DLG2: variants seen among roughly 807,000 people sequenced by gnomAD.
The protein encoded by DLG2 is discs large MAGUK scaffold protein 2, also known as disks large homolog 2.
A neutral mutation model predicts 132.5 loss-of-function variants in DLG2; 45 were observed. That is an observed-to-expected ratio of 0.34 (90% CI 0.27 to 0.44). The LOEUF (loss-of-function observed/expected upper bound fraction) is 0.44, where lower values mean the gene tolerates loss of function less well. Among genes scored for constraint, DLG2 ranks in the 20% least tolerant of loss-of-function variants. The pLI is 1.00. For missense variants in DLG2, 1,045 were observed against 1,196.9 expected (o/e 0.87, Z 1.87); for synonymous variants, 424 against 419.6 (o/e 1.01, Z -0.13).
rs192564153 is a variant in DLG2 at position 84,362,170 on chromosome 11, C to G, written c.520-110879G>C. 1.1e-4 allele frequency among the ~76,000 whole-genome samples: 17 copies of G among 152,054 alleles called. No individual in the cohort carries two copies. In the East Asian group the frequency reaches 3.1e-3, roughly 28 times the overall value. Reference sequence around the variant, plus strand: ...TAAAGATACAGTATAAACACCACAACAGTTGAAATTCTTCAAGGATATAGG... The same window carrying G: ...TAAAGATACAGTATAAACACCACAAGAGTTGAAATTCTTCAAGGATATAGG... On this transcript the variant is annotated intron_variant, in intron 7 of 27. Coordinates refer to ENST00000376104, the MANE Select transcript of DLG2 (RefSeq NM_001142699.3).
Position 83,561,485 on chromosome 11 carries a change from T to C in DLG2, c.1941-19627A>G, listed in dbSNP as rs536955459. On this transcript the variant is annotated intron_variant, in intron 19 of 27. Transcript: ENST00000376104. ...GTAAGGAGACTGCAAGTAAAGAGTC[T>C]CTGTAAGTTCTGCAAGTGAAGAGTA... Among the ~76,000 whole-genome samples, 3 of 152,340 alleles carry C rather than the reference T, an allele frequency of 2.0e-5. No homozygotes were observed. In the South Asian group the frequency reaches 6.2e-4, roughly 32 times the overall value.
chr11:83,508,403 ATT>A (rs746968613), intron 21 of DLG2, among the ~76,000 whole-genome samples: 1,011 of 80,190 alleles, frequency 0.013, 37 homozygotes, highest in African/African-American at 0.058. Flanking sequence ...CGCCTGGCTA[ATT>A]TTTTTTTTTT....
At chr11:85,467,072 A>G (rs1359591291) in intron 3 of DLG2, among the ~76,000 whole-genome samples, 1 of 152,198 alleles carries the variant, frequency 6.6e-6, no homozygotes, top group Non-Finnish European at 1.5e-5. Context: ...CTTTGAAGCA[A>G]CTGTGAATGG....
intron 18 of DLG2, 92 bp from the exon 19 acceptor site, chr11:83,633,417 T>G: frequency 1.0e-6 from 1 of 988,520 alleles, no homozygotes; most frequent in Non-Finnish European, 1.6e-6. Flanking sequence ...CCCACGTTGT[T>G]GGTTCCTTTG....
chr11:83,668,295 A>G (rs1566428066), intron 18 of DLG2, among the ~76,000 whole-genome samples: 1 of 152,162 alleles, frequency 6.6e-6, no homozygotes, highest in East Asian at 1.9e-4. Context: ...TCTATTTTCA[A>G]TTCTTCCTCT....
chr11:84,962,194 T>C (rs1456579101), intron 6 of DLG2, among the ~76,000 whole-genome samples: 1 of 152,238 alleles, frequency 6.6e-6, no homozygotes, highest in Admixed American at 6.5e-5. Flanking sequence ...TATTATTGTC[T>C]TGATCTCATA....
chr11:85,230,768 A>G (rs978526596), intron 4 of DLG2, among the ~76,000 whole-genome samples: 3 of 151,940 alleles, frequency 2.0e-5, no homozygotes, highest in Non-Finnish European at 2.9e-5. Context: ...TTAATCCCCA[A>G]TGCAATAGTA....
chr11:84,731,907 G>A (rs2063203315), intron 6 of DLG2, among the ~76,000 whole-genome samples: 1 of 151,720 alleles, frequency 6.6e-6, no homozygotes, highest in Non-Finnish European at 1.5e-5. Flanking sequence ...ACGTTTCCAC[G>A]TGCCCCTTTA....
chr11:84,304,142 C>T (rs564114928), intron 7 of DLG2, among the ~76,000 whole-genome samples: 1 of 152,282 alleles, frequency 6.6e-6, no homozygotes, highest in African/African-American at 2.4e-5. Context: ...CATAGTTCCT[C>T]TTCTCTACAG....
intron 3 of DLG2, among the ~76,000 whole-genome samples, chr11:85,548,593 G>A (rs748449490): frequency 9.2e-5 from 14 of 152,144 alleles, no homozygotes; most frequent in Admixed American, 3.9e-4. Context: ...GTCCCCAACC[G>A]CCCCTTCCCC....
chr11:83,752,783 G>A (rs966674396), intron 18 of DLG2, among the ~76,000 whole-genome samples: 1 of 152,178 alleles, frequency 6.6e-6, no homozygotes, highest in East Asian at 1.9e-4. Flanking sequence ...CTGAATTAAT[G>A]TCACCTGGAA....
intron 3 of DLG2, among the ~76,000 whole-genome samples, chr11:85,527,269 G>C (rs1208895695): frequency 3.3e-5 from 5 of 151,040 alleles, no homozygotes; most frequent in African/African-American, 9.7e-5. Flanking sequence ...ATAGTGGTTT[G>C]CTGCACCTAT....
At chr11:84,908,851 A>G (rs971633555) in intron 6 of DLG2, among the ~76,000 whole-genome samples, 3 of 151,098 alleles carry the variant, frequency 2.0e-5, no homozygotes, top group Non-Finnish European at 4.4e-5. Context: ...CTTTCAACAT[A>G]TAAGTTTTTC....
intron 8 of DLG2, among the ~76,000 whole-genome samples, chr11:84,240,702 GTAAGGA>G (rs1342767415): frequency 6.6e-6 from 1 of 152,184 alleles, no homozygotes; most frequent in Non-Finnish European, 1.5e-5. Context: ...GTGAACAAAG[GTAAGGA>G]TATAGGAAAA....
intron 6 of DLG2, among the ~76,000 whole-genome samples, chr11:84,895,536 T>C (rs1258096753): frequency 6.6e-6 from 1 of 152,174 alleles, no homozygotes; most frequent in African/African-American, 2.4e-5. Context: ...TTGCTTTTCT[T>C]ACCACCTACA....
intron 14 of DLG2, among the ~76,000 whole-genome samples, chr11:83,942,925 T>C (rs562688557): frequency 7.9e-5 from 12 of 152,296 alleles, no homozygotes; most frequent in African/African-American, 2.9e-4. Context: ...CCATGTGTTG[T>C]GGGAGGGACC....
chr11:84,447,406 AAAG>A (rs1234057939), intron 7 of DLG2, among the ~76,000 whole-genome samples: 9 of 152,176 alleles, frequency 5.9e-5, no homozygotes, highest in African/African-American at 2.2e-4. Context: ...AATATTATGA[AAAG>A]AAGCCGAAAA....
intron 17 of DLG2, among the ~76,000 whole-genome samples, chr11:83,819,611 A>C (rs916268490): frequency 6.6e-6 from 1 of 151,898 alleles, no homozygotes; most frequent in African/African-American, 2.4e-5. Flanking sequence ...ATAGCTTAGT[A>C]TAGTTTATGT....
At chr11:83,795,947 A>C (rs939328750) in intron 17 of DLG2, among the ~76,000 whole-genome samples, 2 of 152,170 alleles carry the variant, frequency 1.3e-5, no homozygotes, top group African/African-American at 4.8e-5. Flanking sequence ...GCTATTTTCC[A>C]TATCTAGAAC....
Sources: gnomAD v4.1 joint callset for allele counts (sites outside exome capture counted in the v4.1 genomes callset) on GRCh38, gnomAD v4.1.1 for gene constraint, MANE v1.5 for transcripts, NCBI Gene and HGNC (gene_info 2026-07-23, HGNC 2026-07-21) for gene names.